The following F8 variants were observed in gnomAD, a reference collection of about 807,000 sequenced individuals.
F8 encodes coagulation factor VIII.
Under a neutral mutation model 140.6 loss-of-function variants are expected in F8, and 12 were observed. The ratio of observed to expected loss-of-function variants is 0.09; its 90% CI spans 0.05 to 0.14. The LOEUF (loss-of-function observed/expected upper bound fraction) is 0.14. F8 is among the 10% of genes least tolerant of loss of function. The pLI, the probability that F8 is intolerant of heterozygous loss-of-function variation, is 1.00. For missense variants in F8, 1,354 were observed against 1,720.7 expected (o/e 0.79, Z 3.77); for synonymous variants, 585 against 614.6 (o/e 0.95, Z 0.71).
rs1233307497 is a variant in F8 at position 154,982,458 on chromosome X, A to T, written c.787+2229T>A. On this transcript the variant is annotated intron_variant, in intron 6 of 25. Transcript: ENST00000360256. ...AAGACTCCGTCTCAAAAAAAAAAAA[A>T]AAAAAAATATATATATATATGTATA... 1.2e-3 allele frequency among the ~76,000 whole-genome samples: 129 copies of T among 104,606 alleles called. 1 individual carries two copies. Among genetic ancestry groups the T allele is most frequent in the East Asian group, 4.2e-3 (14 of 3,340 alleles). 90.8% of individuals were successfully genotyped at this position (104,606 alleles called of 115,157 possible). A position where few individuals can be genotyped will look rare whatever the true frequency, so the allele number is the denominator to read the frequency against.
At position 154,929,660 on chromosome X, in the gene F8, T is replaced by C; in HGVS notation, c.4130A>G (p.Asn1377Ser). The change falls in exon 14 of 26, where the codon AAT becomes AGT. Residue 1377 changes from asparagine to serine, a missense_variant. Transcript: ENST00000360256. Reference sequence around the variant, plus strand: ...AGTAATGGCCCCTTTCTCCTTCTCATTGTAGTCTATCTGTGTGAGGGTGCT... The same window carrying C: ...AGTAATGGCCCCTTTCTCCTTCTCACTGTAGTCTATCTGTGTGAGGGTGCT... ...TPSTLTQIDY[N>S]EKEKGAITQS... The C allele has an allele frequency of 8.3e-7, 1 of 1,210,344 alleles. No homozygotes were observed. Among genetic ancestry groups the C allele is most frequent in the East Asian group, 3.0e-5 (1 of 33,833 alleles).
intron 25 of F8, among the ~76,000 whole-genome samples, chrX:154,840,318 G>A (rs187740749): frequency 7.2e-4 from 81 of 111,944 alleles, no homozygotes; most frequent in African/African-American, 2.6e-3. Context: ...TCCTTTTGAT[G>A]CTCAAATTGT....
intron 25 of F8, among the ~76,000 whole-genome samples, chrX:154,848,053 C>G (rs1214873425): frequency 1.8e-5 from 2 of 112,603 alleles, no homozygotes; most frequent in Non-Finnish European, 3.8e-5. Context: ...GAGGTCCGCT[C>G]CAGACCCTGT....
intron 22 of F8, among the ~76,000 whole-genome samples, chrX:154,875,126 G>A (rs28834160): frequency 8.9e-6 from 1 of 111,793 alleles, no homozygotes; most frequent in South Asian, 3.7e-4. Flanking sequence ...GACACTGAAA[G>A]AAAAATACTT....
chrX:154,974,802 T>G (rs1328985398), intron 6 of F8, among the ~76,000 whole-genome samples: 1 of 111,969 alleles, frequency 8.9e-6, no homozygotes, highest in Admixed American at 9.4e-5. Flanking sequence ...CATTTTTTCT[T>G]GATTCAACCT....
chrX:154,913,717 G>C (rs929460849), intron 14 of F8, among the ~76,000 whole-genome samples: 1 of 112,802 alleles, frequency 8.9e-6, no homozygotes, highest in African/African-American at 3.2e-5. Context: ...TCACATTTAG[G>C]TCACCCTGAT....
chrX:154,899,828 A>G, intron 21 of F8, 38 bp downstream of exon 21: 1 of 1,124,249 alleles, frequency 8.9e-7, no homozygotes, highest in Non-Finnish European at 1.2e-6. Context: ...AATTGATTGA[A>G]TGTGATACAT....
Position 154,930,029 on chromosome X carries a change from T to G in F8, c.3761A>C (p.Asn1254Thr), listed in dbSNP as rs782602450. The G allele has an allele frequency of 6.6e-6, 8 of 1,211,369 alleles. No homozygotes were observed. The Admixed American group carries it at 1.7e-4, about 26-fold the overall frequency. ...KNLFLLSTRQ[N>T]VEGSYDGAYA... ...TGCCCCGTCATATGAACCTTCTACATTTTGCCTAGTGCTCAGTAAGAAAAG... is the reference window on the plus strand; with the variant it reads ...TGCCCCGTCATATGAACCTTCTACAGTTTGCCTAGTGCTCAGTAAGAAAAG... The change falls in exon 14 of 26, where the codon AAT becomes ACT. Residue 1254 changes from asparagine to threonine, a missense_variant. Asn to Thr is a moderately conservative substitution (Grantham distance 65). This residue lies in a region of F8 where 658 missense variants were observed against 666.5 expected (regional missense o/e 0.99). Transcript: ENST00000360256.
At chrX:154,840,820 G>C (rs1441882568) in intron 25 of F8, among the ~76,000 whole-genome samples, 2 of 112,004 alleles carry the variant, frequency 1.8e-5, no homozygotes, top group East Asian at 5.6e-4. Flanking sequence ...CACATTTAAA[G>C]CTTCTATTTG....
At chrX:155,004,600 G>A (rs1437787581) in intron 1 of F8, among the ~76,000 whole-genome samples, 2 of 112,158 alleles carry the variant, frequency 1.8e-5, no homozygotes, top group Non-Finnish European at 3.8e-5. Context: ...TGTTGTTAAT[G>A]TTCAACTTGC....
intron 12 of F8, among the ~76,000 whole-genome samples, chrX:154,951,232 C>T (rs1339939045): frequency 2.7e-5 from 3 of 111,705 alleles, no homozygotes; most frequent in East Asian, 2.8e-4. Flanking sequence ...GATCCATCTA[C>T]GAAATAAATC....
intron 20 of F8, 53 bp downstream of exon 20, chrX:154,901,318 T>TA: frequency 1.3e-6 from 1 of 793,455 alleles, no homozygotes; most frequent in Non-Finnish European, 1.9e-6. Context: ...ACCAGATTAT[T>TA]AAAAAAAGAT....
intron 14 of F8, among the ~76,000 whole-genome samples, chrX:154,913,795 C>T (rs1427574082): frequency 2.7e-5 from 3 of 112,865 alleles, no homozygotes; most frequent in African/African-American, 6.4e-5. Context: ...CAGCCCTGCT[C>T]CTGGCTGCTT....
intron 22 of F8, among the ~76,000 whole-genome samples, chrX:154,866,718 A>G (rs1271100074): frequency 1.8e-5 from 2 of 111,356 alleles, no homozygotes; most frequent in East Asian, 5.5e-4. Flanking sequence ...GGAAATTTAT[A>G]GCAATAAATG....
intron 25 of F8, among the ~76,000 whole-genome samples, chrX:154,839,401 C>G (rs1052099944): frequency 1.9e-5 from 2 of 104,057 alleles, no homozygotes; most frequent in Admixed American, 2.1e-4. Flanking sequence ...CTCGCTCTGT[C>G]GCCCAGGCTG....
At position 154,930,333 on chromosome X, in the gene F8, G is replaced by A; in HGVS notation, c.3457C>T (p.Pro1153Ser). The A allele has an allele frequency of 1.7e-6, 2 of 1,210,958 alleles. No individual in the cohort carries two copies. The highest frequency in any genetic ancestry group is 2.2e-6 in the Non-Finnish European group (2 of 895,171). Residue 1153 changes from proline to serine, a missense_variant, in exon 14 of 26, where the codon CCA becomes TCA. This residue lies in a region of F8 where 658 missense variants were observed against 666.5 expected (regional missense o/e 0.99). Coordinates refer to ENST00000360256, the MANE Select transcript of F8 (RefSeq NM_000132.4). The stretch of plus-strand genomic sequence containing the variant: ...TTCTGACCTTCCACAGATTTTTCTG[G>A]TCCTAAGGATACTAATTGCTTTGGA... ...PSPKQLVSLG[P>S]EKSVEGQNFL...
At chrX:154,964,716 T>A (rs1285623009) in intron 9 of F8, among the ~76,000 whole-genome samples, 12 of 111,591 alleles carry the variant, frequency 1.1e-4, no homozygotes, top group Non-Finnish European at 2.3e-4. Flanking sequence ...GCTATACAAG[T>A]AAGAGAATAA....
At chrX:154,991,779 T>C (rs782619236) in intron 4 of F8, among the ~76,000 whole-genome samples, 1 of 111,734 alleles carries the variant, frequency 8.9e-6, no homozygotes, top group East Asian at 2.8e-4. Context: ...ACTACAAACC[T>C]TTCTCATCTT....
chrX:155,000,253 C>G (rs1569560021), intron 1 of F8, among the ~76,000 whole-genome samples: 1 of 112,253 alleles, frequency 8.9e-6, no homozygotes, highest in East Asian at 2.8e-4. Context: ...TTTAGCATGT[C>G]TGGGGGCCTC....
Sources: gnomAD v4.1 joint callset for allele counts (sites outside exome capture counted in the v4.1 genomes callset) on GRCh38, gnomAD v4.1.1 for gene constraint, gnomAD v4.1.1 regional missense constraint, MANE v1.5 for transcripts, NCBI Gene and HGNC (gene_info 2026-07-23, HGNC 2026-07-21) for gene names.